NXPH2: variants seen among roughly 807,000 people sequenced by gnomAD.
The protein encoded by NXPH2 is neurexophilin 2.
In NXPH2, 5 loss-of-function variants were observed where a neutral mutation model predicts 19.8. The ratio of observed to expected loss-of-function variants is 0.25; its 90% CI spans 0.13 to 0.53. NXPH2 has a LOEUF of 0.53. Ranked by LOEUF, NXPH2 falls within the 20% of genes least tolerant of loss-of-function variation. The pLI, the probability that NXPH2 is intolerant of heterozygous loss-of-function variation, is 0.96. For synonymous variants in NXPH2, 154 were observed against 127.4 expected, an observed-to-expected ratio of 1.21 and a Z score of -1.41; for missense variants, 289 against 322.8, an observed-to-expected ratio of 0.90 and a Z score of 0.80.
chr2:138,695,862 TGAC>T (rs763340904), intron 1 of NXPH2, among the ~76,000 whole-genome samples: 3 of 152,072 alleles, frequency 2.0e-5, no homozygotes, highest in Non-Finnish European at 4.4e-5. Flanking sequence ...TTAAAAATAA[TGAC>T]AAGGACAGGC....
intron 1 of NXPH2, among the ~76,000 whole-genome samples, chr2:138,762,048 A>C (rs1682025982): frequency 6.6e-6 from 1 of 152,196 alleles, no homozygotes; most frequent in African/African-American, 2.4e-5. Context: ...CTGTTGGAAA[A>C]TATACTAAGC....
chr2:138,776,582 G>A (rs11902836), intron 1 of NXPH2, among the ~76,000 whole-genome samples: 9,331 of 150,216 alleles, frequency 0.062, 1,025 homozygotes, highest in African/African-American at 0.22. Flanking sequence ...TTTAATGCAC[G>A]GCCAACTCTA....
chr2:138,675,579 C>A (rs1197063736), intron 1 of NXPH2, among the ~76,000 whole-genome samples: 2 of 151,976 alleles, frequency 1.3e-5, no homozygotes, highest in Non-Finnish European at 2.9e-5. Context: ...TGAAAACTTT[C>A]CTGATAGCAG....
intron 1 of NXPH2, among the ~76,000 whole-genome samples, chr2:138,747,004 C>A (rs1357394712): frequency 6.6e-6 from 1 of 152,062 alleles, no homozygotes; most frequent in Non-Finnish European, 1.5e-5. Context: ...TAGATAACAA[C>A]CCAAATCAAG....
At chr2:138,731,770 G>A (rs1186257318) in intron 1 of NXPH2, among the ~76,000 whole-genome samples, 5 of 151,968 alleles carry the variant, frequency 3.3e-5, no homozygotes, top group Non-Finnish European at 4.4e-5. Flanking sequence ...AGCAAGTAGG[G>A]CCATTGGACC....
intron 1 of NXPH2, among the ~76,000 whole-genome samples, chr2:138,755,874 A>G (rs1681899273): frequency 6.6e-6 from 1 of 151,898 alleles, no homozygotes; most frequent in African/African-American, 2.4e-5. Context: ...TTTTTCACAT[A>G]TAGATCATGT....
chr2:138,750,365 A>T (rs1681810817), intron 1 of NXPH2, among the ~76,000 whole-genome samples: 1 of 152,198 alleles, frequency 6.6e-6, no homozygotes, highest in Non-Finnish European at 1.5e-5. Context: ...ACATAGTCCA[A>T]ATATACACTG....
intron 1 of NXPH2, among the ~76,000 whole-genome samples, chr2:138,749,756 C>G (rs1324614425): frequency 6.6e-6 from 1 of 152,110 alleles, no homozygotes; most frequent in Non-Finnish European, 1.5e-5. Context: ...TGACATGAAA[C>G]ATTTCTCTTA....
At chr2:138,708,262 C>T (rs1414643388) in intron 1 of NXPH2, among the ~76,000 whole-genome samples, 1 of 152,170 alleles carries the variant, frequency 6.6e-6, no homozygotes, top group Non-Finnish European at 1.5e-5. Context: ...ACACGCTGCC[C>T]ACTTCACAAC....
intron 1 of NXPH2, among the ~76,000 whole-genome samples, chr2:138,710,050 A>G (rs1203579317): frequency 6.6e-6 from 1 of 152,088 alleles, no homozygotes. Flanking sequence ...TCAAAAAGGA[A>G]CTCTGTTAAA....
chr2:138,741,965 T>C (rs1265502880), intron 1 of NXPH2, among the ~76,000 whole-genome samples: 1 of 152,228 alleles, frequency 6.6e-6, no homozygotes, highest in African/African-American at 2.4e-5. Flanking sequence ...TTCCACAAAA[T>C]TGAGCATATT....
intron 1 of NXPH2, among the ~76,000 whole-genome samples, chr2:138,709,311 A>G (rs536678391): frequency 6.6e-6 from 1 of 152,248 alleles, no homozygotes; most frequent in South Asian, 2.1e-4. Flanking sequence ...TTATAATTTT[A>G]TTTTATTTTG....
At chr2:138,745,826 G>A (rs913374461) in intron 1 of NXPH2, among the ~76,000 whole-genome samples, 1 of 151,448 alleles carries the variant, frequency 6.6e-6, no homozygotes, top group Non-Finnish European at 1.5e-5. Context: ...ATAGGGTGGG[G>A]GGAAGAAGCA....
At chr2:138,696,938 T>C (rs1277015582) in intron 1 of NXPH2, among the ~76,000 whole-genome samples, 1 of 152,010 alleles carries the variant, frequency 6.6e-6, no homozygotes, top group Admixed American at 6.6e-5. Flanking sequence ...AAAATAAAAA[T>C]AGTAAACCTA....
At chr2:138,727,013 T>G (rs1243962300) in intron 1 of NXPH2, among the ~76,000 whole-genome samples, 1 of 152,212 alleles carries the variant, frequency 6.6e-6, no homozygotes, top group African/African-American at 2.4e-5. Flanking sequence ...AGATGCCATA[T>G]AGTTGGAATC....
chr2:138,687,707 A>G (rs1680682711), intron 1 of NXPH2, among the ~76,000 whole-genome samples: 1 of 152,146 alleles, frequency 6.6e-6, no homozygotes, highest in Non-Finnish European at 1.5e-5. Flanking sequence ...TTTTGAATTA[A>G]TTTTTGTATA....
intron 1 of NXPH2, among the ~76,000 whole-genome samples, chr2:138,734,138 A>C: frequency 6.6e-6 from 1 of 152,110 alleles, no homozygotes; most frequent in East Asian, 1.9e-4. Context: ...ACAGCTACTC[A>C]GGAGGTTGAG....
intron 1 of NXPH2, among the ~76,000 whole-genome samples, chr2:138,679,334 T>C (rs1168140120): frequency 6.6e-6 from 1 of 152,014 alleles, no homozygotes; most frequent in Non-Finnish European, 1.5e-5. Context: ...CAAGTCTAAA[T>C]GACAAGTTTA....
chr2:138,716,140 T>G (rs1022243929), intron 1 of NXPH2, among the ~76,000 whole-genome samples: 8 of 152,230 alleles, frequency 5.3e-5, no homozygotes, highest in South Asian at 4.1e-4. Context: ...CTCCAAAATT[T>G]CCTTACACTT....
Sources: allele counts gnomAD v4.1 joint callset (sites outside exome capture counted in the v4.1 genomes callset), GRCh38; gene constraint gnomAD v4.1.1; transcripts MANE v1.5; gene names NCBI Gene and HGNC (gene_info 2026-07-23, HGNC 2026-07-21).